The following RSPRY1 variants were observed in gnomAD, a reference collection of about 807,000 sequenced individuals.
RSPRY1 encodes the protein RING finger and SPRY domain-containing protein 1.
In RSPRY1, 23 loss-of-function variants were observed where a neutral mutation model predicts 73.1. The observed-to-expected ratio is 0.31, with a 90% CI of 0.23 to 0.45. RSPRY1 has a LOEUF of 0.45. Ranked by LOEUF, RSPRY1 falls within the 20% of genes least tolerant of loss-of-function variation. The pLI, the probability that RSPRY1 is intolerant of heterozygous loss-of-function variation, is 1.00. For synonymous variants in RSPRY1, 226 were observed against 251.4 expected (o/e 0.90, Z 0.95); for missense variants, 448 against 698.7 (o/e 0.64, Z 4.05).
intron 1 of RSPRY1, among the ~76,000 whole-genome samples, chr16:57,191,294 A>G (rs1477823024): frequency 1.3e-5 from 2 of 151,950 alleles, no homozygotes; most frequent in Non-Finnish European, 2.9e-5. Flanking sequence ...TTAAGTTTTT[A>G]TTGCTTCATA....
At chr16:57,207,896 A>G (rs1397426504) in intron 2 of RSPRY1, among the ~76,000 whole-genome samples, 162 bp from the exon 3 acceptor site, 1 of 152,200 alleles carries the variant, frequency 6.6e-6, no homozygotes, top group Non-Finnish European at 1.5e-5. Context: ...GTATACATTC[A>G]TCCTTACAGG....
At chr16:57,215,549 T>G (rs1277948335) in intron 6 of RSPRY1, among the ~76,000 whole-genome samples, 1 of 152,160 alleles carries the variant, frequency 6.6e-6, no homozygotes, top group Admixed American at 6.5e-5. Flanking sequence ...TCATGTGACA[T>G]GAGCTTAAAT....
chr16:57,206,240 CA>C (rs1461677557), intron 2 of RSPRY1, among the ~76,000 whole-genome samples: 3 of 151,610 alleles, frequency 2.0e-5, no homozygotes, highest in African/African-American at 7.3e-5. Flanking sequence ...CCCATCTCTG[CA>C]AAAAAAATTT....
chr16:57,200,646 C>G (rs2074558332), intron 1 of RSPRY1, among the ~76,000 whole-genome samples: 2 of 143,824 alleles, frequency 1.4e-5, no homozygotes, highest in African/African-American at 2.6e-5. Flanking sequence ...GACGGGGCGG[C>G]TGGCCGGGCG....
At position 57,205,060 on chromosome 16, in the gene RSPRY1, G is replaced by A. The variant is rs78758520; in HGVS notation, c.350+52G>A. 9.5e-4 allele frequency: 1,341 copies of A among 1,414,372 alleles called. 13 individuals are homozygous for A. In the African/African-American group the frequency reaches 0.017, roughly 17 times the overall value. The allele number at this position is 1,414,372 out of a possible 1,614,324, so 87.6% of individuals were successfully genotyped here. A position where few individuals can be genotyped will look rare whatever the true frequency, so the allele number is the denominator to read the frequency against. On this transcript the variant is annotated intron_variant, in intron 2 of 14. Coordinates refer to ENST00000394420, the MANE Select transcript of RSPRY1 (RefSeq NM_133368.3). ...CAGTGGAATGAAAAGTGTTCTGCCC[G>A]GAACCATGACTTTAGGACTCCTTCA... is the stretch of plus-strand genomic sequence containing the variant.
rs1555500024 is a variant in RSPRY1, at chr16:57,202,888, A to ATATATATG, written c.-155-1609_-155-1608insGTATATAT. Among the ~76,000 whole-genome samples, 3 of 140,860 alleles carry ATATATATG rather than the reference A, an allele frequency of 2.1e-5. No individual in the cohort carries two copies. The East Asian group carries it at 6.2e-4, about 29-fold the overall frequency. The allele number at this position is 140,860 out of a possible 152,430, so 92.4% of individuals were successfully genotyped here. A position where few individuals can be genotyped will look rare whatever the true frequency, so the allele number is the denominator to read the frequency against. ...TTTTATTACATATGATTATATATAT[A>ATATATATG]TATATATATATATATATATCTGAAG... On this transcript the variant is annotated intron_variant, in intron 1 of 14. Transcript: ENST00000394420.
At chr16:57,234,124 T>C (rs2075267394) in intron 13 of RSPRY1, among the ~76,000 whole-genome samples, 1 of 152,144 alleles carries the variant, frequency 6.6e-6, no homozygotes, top group East Asian at 1.9e-4. Flanking sequence ...CCTCTCCCGT[T>C]TTCTCATGCT....
intron 1 of RSPRY1, among the ~76,000 whole-genome samples, chr16:57,188,814 C>T (rs2074298287): frequency 6.6e-6 from 1 of 152,094 alleles, no homozygotes; most frequent in Non-Finnish European, 1.5e-5. Flanking sequence ...CTGTGTCTGC[C>T]TTTCGAAGTA....
intron 2 of RSPRY1, among the ~76,000 whole-genome samples, chr16:57,206,382 G>A (rs1489686678): frequency 6.6e-6 from 1 of 151,830 alleles, no homozygotes; most frequent in Admixed American, 6.6e-5. Flanking sequence ...CTCCAGCCTG[G>A]GCAATAGAGC....
At chr16:57,234,933 T>C (rs2075279039) in intron 13 of RSPRY1, among the ~76,000 whole-genome samples, 191 bp from the exon 14 acceptor site, 1 of 152,236 alleles carries the variant, frequency 6.6e-6, no homozygotes, top group African/African-American at 2.4e-5. Context: ...GGAATGGTTA[T>C]ACCTCCTTCA....
chr16:57,231,266 C>T lies in RSPRY1; in HGVS notation c.1476C>T (p.Ser492=). 1 of 1,613,846 alleles carries T rather than the reference C, an allele frequency of 6.2e-7. No homozygotes were observed. The highest frequency in any genetic ancestry group is 2.2e-5 in the East Asian group (1 of 44,858). ...AATACCCACCATCTATGAAATTTAG[C>T]ACTTTTAATGACTACGCCTTCCTAA... ...PFKYPPSMKF[S]TFNDYAFLTA... The change falls in exon 13 of 15, where the codon AGC becomes AGT. Residue 492 remains serine, a synonymous_variant. Coordinates refer to ENST00000394420, the MANE Select transcript of RSPRY1 (RefSeq NM_133368.3).
intron 1 of RSPRY1, among the ~76,000 whole-genome samples, chr16:57,196,350 G>A (rs2074447168): frequency 6.6e-6 from 1 of 151,994 alleles, no homozygotes; most frequent in South Asian, 2.1e-4. Flanking sequence ...TAACATTTTT[G>A]ACCCAAGAAG....
At chr16:57,202,579 T>C (rs776952520) in intron 1 of RSPRY1, among the ~76,000 whole-genome samples, 3 of 152,200 alleles carry the variant, frequency 2.0e-5, no homozygotes, top group Non-Finnish European at 2.9e-5. Context: ...TGGTTTAGAA[T>C]GTGTTCTTTT....
At position 57,198,316 on chromosome 16, in the gene RSPRY1, G is replaced by A. The variant is rs557863743; in HGVS notation, c.-155-6188G>A. On this transcript the variant is annotated intron_variant, in intron 1 of 14. Transcript: ENST00000394420. ...GGAGAATGGCATGAACCTGGGAGGCGGAGCTTGCAGTGAGCTGAGATCACG... is the reference window on the plus strand; with the variant it reads ...GGAGAATGGCATGAACCTGGGAGGCAGAGCTTGCAGTGAGCTGAGATCACG... Among the ~76,000 whole-genome samples, 392 of 151,906 alleles carry A rather than the reference G, an allele frequency of 2.6e-3. 3 individuals carry two copies. Among genetic ancestry groups the A allele is most frequent in the African/African-American group, 9.2e-3 (381 of 41,444 alleles).
chr16:57,186,509 A>T (rs2074186391), intron 1 of RSPRY1, 58 bp downstream of exon 1: 1 of 151,124 alleles, frequency 6.6e-6, no homozygotes, highest in African/African-American at 2.5e-5. Context: ...AACGGGAGGG[A>T]GTCTGAGGGT....
intron 14 of RSPRY1, among the ~76,000 whole-genome samples, chr16:57,237,150 G>T (rs1190158268): frequency 6.6e-6 from 1 of 152,132 alleles, no homozygotes; most frequent in African/African-American, 2.4e-5. Flanking sequence ...CCAGGCAAAG[G>T]CAGGTTTTTT....
rs942274095 is a variant in RSPRY1, at chr16:57,201,667, C to T, written c.-155-2837C>T. ...ACGCCACTGCACTCCAGCCTGGGCA[C>T]CATTGAGCACTGAGTGAACGCGACT... On this transcript the variant is annotated intron_variant, in intron 1 of 14. Coordinates refer to ENST00000394420, the MANE Select transcript of RSPRY1 (RefSeq NM_133368.3). Among the ~76,000 whole-genome samples, 75 of 152,202 alleles carry T rather than the reference C, an allele frequency of 4.9e-4. 1 individual carries two copies. The highest frequency in any genetic ancestry group is 2.5e-4 in the Non-Finnish European group (17 of 68,034).
chr16:57,216,974 T>A lies in RSPRY1; in HGVS notation c.840T>A (p.Asn280Lys). The change falls in exon 8 of 15, where the codon AAT (asparagine) becomes AAA (lysine). Residue 280 changes from asparagine to lysine, a missense_variant. Physicochemically the swap from Asn to Lys is moderately conservative, Grantham distance 94 (BLOSUM62 0). Transcript: ENST00000394420. Reference protein sequence around the residue: ...DRLVTLESWANDPDYLKRQVG... With the variant: ...DRLVTLESWAKDPDYLKRQVG... Reference sequence around the variant, plus strand: ...TTGTCACATTGGAGTCCTGGGCTAATGATCCTGATTATCTGAAACGTCAAG... The same window carrying A: ...TTGTCACATTGGAGTCCTGGGCTAAAGATCCTGATTATCTGAAACGTCAAG... The A allele has an allele frequency of 6.2e-7, 1 of 1,614,062 alleles. No individual in the cohort carries two copies. Among genetic ancestry groups the A allele is most frequent in the Non-Finnish European group, 8.5e-7 (1 of 1,179,922 alleles).
chr16:57,196,135 C>A (rs1370749351), intron 1 of RSPRY1, among the ~76,000 whole-genome samples: 1 of 151,416 alleles, frequency 6.6e-6, no homozygotes, highest in East Asian at 1.9e-4. Context: ...TTGATGATAT[C>A]CTTAAGCAGC....
Sources: gnomAD v4.1 joint callset for allele counts (sites outside exome capture counted in the v4.1 genomes callset) on GRCh38, gnomAD v4.1.1 for gene constraint, MANE v1.5 for transcripts, NCBI Gene and HGNC (gene_info 2026-07-23, HGNC 2026-07-21) for gene names.